The following TNFRSF13B variants were observed in gnomAD, a reference collection of about 807,000 sequenced individuals.
TNFRSF13B encodes the protein tumor necrosis factor receptor superfamily member 13B.
A neutral mutation model predicts 24.0 loss-of-function variants in TNFRSF13B; 34 were observed. The ratio of observed to expected loss-of-function variants is 1.41; its 90% CI spans 1.08 to 1.88. The LOEUF (loss-of-function observed/expected upper bound fraction) is 1.88, where lower values mean the gene tolerates loss of function less well. Ranked by LOEUF, TNFRSF13B falls within the 40% of genes most tolerant of loss-of-function variation. The pLI is 0.00. For missense variants in TNFRSF13B, 415 were observed against 380.8 expected (o/e 1.09, Z -0.75); for synonymous variants, 173 against 150.3 (o/e 1.15, Z -1.10).
Position 16,940,408 on chromosome 17 carries a change from G to A in TNFRSF13B, c.549C>T (p.Ala183=), listed in dbSNP as rs527347712. 1.9e-6 allele frequency: 3 copies of A among 1,614,104 alleles called. No individual in the cohort carries two copies. The highest frequency in any genetic ancestry group is 1.1e-5 in the South Asian group (1 of 91,076). ...AVLCCFLVAV[A]CFLKKRGDPC... is the part of the protein sequence containing the mutation. ...GATCCCCCCTCTTCTTGAGGAAGCA[G>A]GCCACCGCCACCAGGAAGCAGCAGA... The change falls in exon 4 of 5, where the codon GCC becomes GCT. Residue 183 remains alanine, a synonymous_variant. Coordinates refer to ENST00000261652, the MANE Select transcript of TNFRSF13B (RefSeq NM_012452.3).
intron 1 of TNFRSF13B, among the ~76,000 whole-genome samples, chr17:16,955,202 AT>A (rs2143666877): frequency 6.6e-6 from 1 of 152,304 alleles, no homozygotes; most frequent in East Asian, 1.9e-4. Flanking sequence ...TTGTGAACCA[AT>A]GGCCAAGGGT....
At chr17:16,963,300 C>T (rs1357788800) in intron 1 of TNFRSF13B, among the ~76,000 whole-genome samples, 1 of 152,146 alleles carries the variant, frequency 6.6e-6, no homozygotes, top group Non-Finnish European at 1.5e-5. Context: ...AGGCCTACAC[C>T]TGGATCGAGA....
chr17:16,967,024 A>G (rs1302738391), intron 1 of TNFRSF13B, among the ~76,000 whole-genome samples: 2 of 151,788 alleles, frequency 1.3e-5, no homozygotes, highest in Non-Finnish European at 2.9e-5. Context: ...TTTTTAGTAG[A>G]GATGGGGTTT....
intron 1 of TNFRSF13B, among the ~76,000 whole-genome samples, chr17:16,962,088 CAG>C (rs1463674458): frequency 1.3e-5 from 2 of 152,200 alleles, no homozygotes; most frequent in African/African-American, 4.8e-5. Context: ...AGTGAAAATA[CAG>C]AAGTGATAAG....
chr17:16,960,789 G>C (rs2087657135), intron 1 of TNFRSF13B, among the ~76,000 whole-genome samples: 1 of 152,104 alleles, frequency 6.6e-6, no homozygotes, highest in Non-Finnish European at 1.5e-5. Flanking sequence ...TGCACCAAAG[G>C]ACACTATTGA....
intron 2 of TNFRSF13B, among the ~76,000 whole-genome samples, chr17:16,951,681 G>A (rs920897488): frequency 6.6e-6 from 1 of 152,166 alleles, no homozygotes; most frequent in African/African-American, 2.4e-5. Flanking sequence ...CTAAGGTCAG[G>A]AGTTCAAGAC....
At chr17:16,949,358 A>G (rs569011542) in intron 2 of TNFRSF13B, among the ~76,000 whole-genome samples, 2 of 152,252 alleles carry the variant, frequency 1.3e-5, no homozygotes, top group East Asian at 1.9e-4. Flanking sequence ...TAAGACTTTT[A>G]CTTGCATTTT....
In TNFRSF13B at chr17:16,941,734, A is replaced by G. The variant is rs1030939359; in HGVS notation, c.446-1223T>C. On this transcript the variant is annotated intron_variant, in intron 3 of 4. Transcript: ENST00000261652. ...TAATTGGAGACAATTTTTATCACCA[A>G]ACAGAAACCCTGTCTCATCAGCAGT... is the stretch of plus-strand genomic sequence containing the variant. Among the ~76,000 whole-genome samples, 6 of 152,228 alleles carry G rather than the reference A, an allele frequency of 3.9e-5. No individual in the cohort carries two copies. In the East Asian group the frequency reaches 1.2e-3, roughly 29 times the overall value.
At chr17:16,939,872 G>A (rs112170436) in intron 4 of TNFRSF13B, 75 bp from the exon 5 acceptor site, 15 of 1,492,484 alleles carry the variant, frequency 1.0e-5, no homozygotes, top group Non-Finnish European at 1.2e-5. Context: ...GTGGGCAGCC[G>A]CACTCTCCCC....
At chr17:16,971,776 C>G (rs1321465773) in intron 1 of TNFRSF13B, among the ~76,000 whole-genome samples, 2 of 152,194 alleles carry the variant, frequency 1.3e-5, no homozygotes, top group African/African-American at 2.4e-5. Context: ...GGAATTCCTG[C>G]CGGTGTGGCC....
chr17:16,953,506 T>C (rs1209506642), intron 1 of TNFRSF13B, among the ~76,000 whole-genome samples: 1 of 152,162 alleles, frequency 6.6e-6, no homozygotes, highest in Non-Finnish European at 1.5e-5. Context: ...CCAATGCCCA[T>C]GCCTAGAGGG....
chr17:16,950,150 T>A (rs187900202), intron 2 of TNFRSF13B, among the ~76,000 whole-genome samples: 1 of 152,206 alleles, frequency 6.6e-6, no homozygotes, highest in East Asian at 1.9e-4. Flanking sequence ...ACACATATAT[T>A]TTAAGGACAC....
intron 3 of TNFRSF13B, among the ~76,000 whole-genome samples, chr17:16,944,547 G>A (rs1055914468): frequency 4.6e-5 from 7 of 152,084 alleles, no homozygotes; most frequent in South Asian, 2.1e-4. Context: ...ACTCCTCCTC[G>A]GGGAAGCCTT....
intron 1 of TNFRSF13B, among the ~76,000 whole-genome samples, chr17:16,959,902 A>G (rs558928832): frequency 6.6e-6 from 1 of 152,262 alleles, no homozygotes; most frequent in South Asian, 2.1e-4. Context: ...AAAAGAATGA[A>G]CACCAATTCT....
intron 2 of TNFRSF13B, among the ~76,000 whole-genome samples, chr17:16,951,145 C>T (rs2087585785): frequency 6.6e-6 from 1 of 152,128 alleles, no homozygotes; most frequent in Admixed American, 6.5e-5. Flanking sequence ...AGTCGGAGTC[C>T]TGGGTTCAAA....
intron 1 of TNFRSF13B, among the ~76,000 whole-genome samples, chr17:16,958,580 A>G (rs918790649): frequency 2.0e-5 from 3 of 152,110 alleles, no homozygotes; most frequent in Non-Finnish European, 2.9e-5. Flanking sequence ...GGCAATGAGT[A>G]AAATAGTGGT....
rs1314475404 is a variant in TNFRSF13B, at chr17:16,940,331, G to A, written c.626C>T (p.Ser209Phe). The A allele has an allele frequency of 1.2e-6, 2 of 1,613,184 alleles. No individual in the cohort carries two copies. Among genetic ancestry groups the A allele is most frequent in the Non-Finnish European group, 8.5e-7 (1 of 1,179,970 alleles). ...SRPRQSPAKS[S>F]QDHAMEAGSP... Reference sequence around the variant, plus strand: ...CCCCAGTTTCATGCACTCACCCTGGGAAGACTTGGCCGGACTTTGACGGGG... The same window carrying A: ...CCCCAGTTTCATGCACTCACCCTGGAAAGACTTGGCCGGACTTTGACGGGG... The change falls in exon 4 of 5, where the codon TCC (serine) becomes TTC (phenylalanine). Residue 209 changes from serine to phenylalanine, a missense_variant. Physicochemically the swap from Ser to Phe is radical, Grantham distance 155. Coordinates refer to ENST00000261652, the MANE Select transcript of TNFRSF13B (RefSeq NM_012452.3).
At chr17:16,967,329 A>G (rs1485199464) in intron 1 of TNFRSF13B, among the ~76,000 whole-genome samples, 1 of 152,060 alleles carries the variant, frequency 6.6e-6, no homozygotes, top group Admixed American at 6.5e-5. Context: ...AAACAAAAAT[A>G]AAAACAAAAC....
intron 2 of TNFRSF13B, among the ~76,000 whole-genome samples, chr17:16,951,161 A>G (rs1490165914): frequency 6.6e-6 from 1 of 152,186 alleles, no homozygotes; most frequent in Non-Finnish European, 1.5e-5. Flanking sequence ...TCAAACCAGG[A>G]TGTCGCTGTG....
Sources: allele counts gnomAD v4.1 joint callset (sites outside exome capture counted in the v4.1 genomes callset), GRCh38; gene constraint gnomAD v4.1.1; transcripts MANE v1.5; gene names NCBI Gene and HGNC (gene_info 2026-07-23, HGNC 2026-07-21).